Variants in MEGF6 observed in about 807,000 individuals in gnomAD.
MEGF6 encodes multiple EGF like domains 6, also known as multiple epidermal growth factor-like domains protein 6.
A neutral mutation model predicts 207.1 loss-of-function variants in MEGF6; 184 were observed. The ratio of observed to expected loss-of-function variants is 0.89; its 90% CI spans 0.79 to 1.00. The LOEUF (loss-of-function observed/expected upper bound fraction) is 1.00, where lower values mean the gene tolerates loss of function less well. Ranked by LOEUF, MEGF6 falls within the 50% of genes least tolerant of loss-of-function variation. MEGF6 has a pLI of 0.00. For missense variants in MEGF6, 2,282 were observed against 2,202.9 expected (o/e 1.04, Z -0.72); for synonymous variants, 1,038 against 910.0 (o/e 1.14, Z -2.53).
chr1:3,498,919 G>A, intron 24 of MEGF6, 93 bp from the exon 25 acceptor site: 1 of 1,495,166 alleles, frequency 6.7e-7, no homozygotes, highest in Non-Finnish European at 9.0e-7. Flanking sequence ...GGACTTTGGG[G>A]TCAGGCACCT....
At chr1:3,567,709 G>A (rs769219768) in intron 4 of MEGF6, among the ~76,000 whole-genome samples, 10 of 152,222 alleles carry the variant, frequency 6.6e-5, no homozygotes, top group Non-Finnish European at 1.0e-4. Context: ...CCTGCAGGCC[G>A]GGGTTGTCCA....
At chr1:3,517,570 G>A (rs544722320) in intron 5 of MEGF6, among the ~76,000 whole-genome samples, 3 of 152,234 alleles carry the variant, frequency 2.0e-5, no homozygotes, top group Non-Finnish European at 4.4e-5. Context: ...ATGCAGCTCA[G>A]GAGGGGCCAC....
At chr1:3,617,217 A>G in the MEGF6 span, among the ~76,000 whole-genome samples, 1 of 148,506 alleles carries the variant, frequency 6.7e-6, no homozygotes, top group Non-Finnish European at 1.5e-5. Flanking sequence ...AGGTCTGGAA[A>G]TATGAAGGTG....
the MEGF6 span, among the ~76,000 whole-genome samples, chr1:3,616,854 C>A: frequency 6.6e-6 from 1 of 152,172 alleles, no homozygotes; most frequent in Non-Finnish European, 1.5e-5. Flanking sequence ...TCCCAACTGC[C>A]GCCTGGCTGG....
intron 21 of MEGF6, 97 bp downstream of exon 21, chr1:3,500,536 G>A: frequency 1.4e-6 from 2 of 1,439,708 alleles, no homozygotes; most frequent in South Asian, 1.4e-5. Flanking sequence ...GCGTGCAGGA[G>A]GGAGTACGGT....
At chr1:3,607,049 T>C (rs1298952143) in intron 1 of MEGF6, among the ~76,000 whole-genome samples, 1 of 151,896 alleles carries the variant, frequency 6.6e-6, no homozygotes, top group African/African-American at 2.4e-5. Flanking sequence ...GATGACAGCT[T>C]GGGCCTCCGG....
Position 3,507,862 on chromosome 1 carries a change from C to T in MEGF6, c.1722G>A (p.Gly574=). The change falls in exon 14 of 37, where the codon GGG becomes GGA. Residue 574 remains glycine, a synonymous_variant. Transcript: ENST00000356575. The stretch of plus-strand genomic sequence containing the variant: ...AGGCCCCCGTGACAGAGTCGCAGGT[C>T]CCACCATTCTGACAGCTGCAGGAGA... ...CSFSCSCQNG[G]TCDSVTGACR... is the part of the protein sequence containing the mutation. 6.2e-7 allele frequency: 1 copy of T among 1,612,816 alleles called. No homozygotes were observed. Among genetic ancestry groups the T allele is most frequent in the East Asian group, 2.2e-5 (1 of 44,890 alleles).
Position 3,524,234 on chromosome 1 carries a change from C to A in MEGF6, c.494G>T (p.Cys165Phe), listed in dbSNP as rs1490427225. Reference protein sequence around the residue: ...GPRCQYDVDECRTHNGGCQHR... With the variant: ...GPRCQYDVDEFRTHNGGCQHR... ...CTGGCAGCCACCGTTGTGGGTTCGG[C>A]ATTCGTCCACATCTGAGCAGGAATG... Residue 165 changes from cysteine to phenylalanine, a missense_variant, in exon 5 of 37, where the codon TGC becomes TTC. Coordinates refer to ENST00000356575, the MANE Select transcript of MEGF6 (RefSeq NM_001409.4). 1 of 1,612,216 alleles carries A rather than the reference C, an allele frequency of 6.2e-7. No individual in the cohort carries two copies. Among genetic ancestry groups the A allele is most frequent in the Non-Finnish European group, 8.5e-7 (1 of 1,179,306 alleles).
intron 3 of MEGF6, among the ~76,000 whole-genome samples, chr1:3,586,465 G>C (rs1356219328): frequency 6.6e-6 from 1 of 152,200 alleles, no homozygotes; most frequent in Non-Finnish European, 1.5e-5. Flanking sequence ...ATGCAAACGT[G>C]TGCCTGGCAC....
chr1:3,552,421 G>A (rs529794566), intron 4 of MEGF6, among the ~76,000 whole-genome samples: 23 of 152,374 alleles, frequency 1.5e-4, no homozygotes, highest in Admixed American at 1.1e-3. Flanking sequence ...GTAAGACCAC[G>A]CGTGGCGGCT....
At chr1:3,511,502 C>A (rs374434482) in intron 9 of MEGF6, 48 bp downstream of exon 9, 1 of 1,559,274 alleles carries the variant, frequency 6.4e-7, no homozygotes, top group Non-Finnish European at 8.7e-7. Context: ...AGGGCAGCAG[C>A]GGGTCCCTGG....
chr1:3,531,633 A>G (rs1040492090), intron 4 of MEGF6, among the ~76,000 whole-genome samples: 1 of 152,036 alleles, frequency 6.6e-6, no homozygotes, highest in African/African-American at 2.4e-5. Context: ...AAACGCAGAC[A>G]TCCACATGTG....
At chr1:3,513,971 A>G (rs908076998) in intron 7 of MEGF6, among the ~76,000 whole-genome samples, 3 of 150,296 alleles carry the variant, frequency 2.0e-5, no homozygotes, top group Non-Finnish European at 3.0e-5. Context: ...AGTTTAGGCC[A>G]GGTGCAGTGG....
Position 3,492,535 on chromosome 1 carries a change from C to T in MEGF6, c.4516+104G>A, listed in dbSNP as rs149083787. ...ATGTCTGAATAGCCATAGGGTGACC[C>T]GGCCAACTCCGCAGTGGGTGAGAGA... On this transcript the variant is annotated intron_variant, in intron 35 of 36. Coordinates refer to ENST00000356575, the MANE Select transcript of MEGF6 (RefSeq NM_001409.4). 6.3e-3 allele frequency: 9,567 copies of T among 1,520,486 alleles called. 38 individuals carry two copies. The highest frequency in any genetic ancestry group is 7.5e-3 in the Non-Finnish European group (8,318 of 1,112,754). 94.2% of individuals were successfully genotyped at this position (1,520,486 alleles called of 1,614,324 possible). A position where few individuals can be genotyped will look rare whatever the true frequency, so the allele number is the denominator to read the frequency against.
Position 3,515,476 on chromosome 1 carries a change from T to C in MEGF6, c.656A>G (p.Gln219Arg). 6.2e-7 allele frequency: 1 copy of C among 1,612,750 alleles called. No homozygotes were observed. Among genetic ancestry groups the C allele is most frequent in the Non-Finnish European group, 8.5e-7 (1 of 1,179,928 alleles). The change falls in exon 6 of 37, where the codon CAG (glutamine) becomes CGG (arginine). Residue 219 changes from glutamine (Q) to arginine (R), a missense_variant. Transcript: ENST00000356575. The stretch of plus-strand genomic sequence containing the variant: ...GCAGCGATGCCGAGTGATTGTGAGC[T>C]GGACACAGTGGTGCTGGCAGCCGCC... ...GNGGCQHHCV[Q>R]LTITRHRCQC...
rs757930866 is a variant in MEGF6, at chr1:3,510,915, C to T, written c.1115-13G>A. On this transcript the variant is annotated splice_polypyrimidine_tract_variant and intron_variant, in intron 9 of 36. Transcript: ENST00000356575. ...CAGTCGTCGACATCTGTGGAGCACA[C>T]GCCACGGGCCCCCTGGTACCAGGCA... The T allele has an allele frequency of 1.1e-5, 17 of 1,591,588 alleles. No individual in the cohort carries two copies. The highest frequency in any genetic ancestry group is 4.5e-5 in the East Asian group (2 of 44,108).
At chr1:3,519,239 A>C (rs1378564694) in intron 5 of MEGF6, among the ~76,000 whole-genome samples, 1 of 152,240 alleles carries the variant, frequency 6.6e-6, no homozygotes, top group Non-Finnish European at 1.5e-5. Context: ...GCTTGGCTGC[A>C]GTGGTCCAGA....
chr1:3,536,307 G>A (rs1471818114), intron 4 of MEGF6, among the ~76,000 whole-genome samples: 1 of 151,870 alleles, frequency 6.6e-6, no homozygotes, highest in African/African-American at 2.4e-5. Flanking sequence ...ACAACGATGT[G>A]TGTGCCCACC....
rs1186880740 is a variant in MEGF6 at position 3,565,495 on chromosome 1, G to T, written c.481+14330C>A. Among the ~76,000 whole-genome samples the T allele has an allele frequency of 1.3e-5, 2 of 152,212 alleles. No homozygotes were observed. Among genetic ancestry groups the T allele is most frequent in the African/African-American group, 4.8e-5 (2 of 41,446 alleles). ...TTGCAGGAGGCCCCTTCCAAGAGGG[G>T]TCCAGGGAGCAGGACCAGGAGCCTA... On this transcript the variant is annotated intron_variant, in intron 4 of 36. Transcript: ENST00000356575. The surrounding 1 kb of genome is among the most constrained non-coding windows in gnomAD (Gnocchi z 4.8).
Sources: gnomAD v4.1 joint callset for allele counts (sites outside exome capture counted in the v4.1 genomes callset) on GRCh38, gnomAD v4.1.1 for gene constraint, Gnocchi (gnomAD v3.1) non-coding constraint, MANE v1.5 for transcripts, NCBI Gene and HGNC (gene_info 2026-07-23, HGNC 2026-07-21) for gene names.